NFIL3: variants seen among roughly 807,000 people sequenced by gnomAD.
NFIL3 encodes nuclear factor interleukin-3-regulated protein.
In NFIL3, 5 loss-of-function variants were observed where a neutral mutation model predicts 10.0. That is an observed-to-expected ratio of 0.50 (90% CI 0.26 to 1.06). NFIL3 has a LOEUF of 1.06. NFIL3 is among the 50% of genes least tolerant of loss of function. The probability of loss-of-function intolerance (pLI) is 0.13; values close to 1 mark genes in which losing one functional copy is unlikely to be tolerated. For missense variants in NFIL3, 436 were observed against 547.6 expected (o/e 0.80, Z 2.03); for synonymous variants, 202 against 206.5 (o/e 0.98, Z 0.19).
chr9:91,475,913 T>C, the NFIL3 span, among the ~76,000 whole-genome samples: 1 of 152,216 alleles, frequency 6.6e-6, no homozygotes, highest in African/African-American at 2.4e-5. Context: ...AGGTAGTGAA[T>C]GATAGTTAAC....
In NFIL3 at chr9:91,410,657, C is replaced by A. The variant is rs1833530241; in HGVS notation, c.78G>T (p.Met26Ile). 1.2e-6 allele frequency: 2 copies of A among 1,614,046 alleles called. No homozygotes were observed. Among genetic ancestry groups the A allele is most frequent in the Non-Finnish European group, 1.7e-6 (2 of 1,179,988 alleles). ...CTTCCGTTAAAGCAGAATTAAGGAC[C>A]ATCATCTTGTCCACATTGCTACTGG... ...LDASSNVDKM[M>I]VLNSALTEVS... Residue 26 changes from methionine (M) to isoleucine (I), a missense_variant, in exon 2 of 2, where the codon ATG (methionine) becomes ATT (isoleucine). Around this residue, in one of 3 missense-constraint regions of NFIL3, gnomAD observed 76 missense variants for 73.0 expected, o/e 1.04. Transcript: ENST00000297689. This position sits in a 1 kb window ranked among gnomAD's most constrained non-coding sequence, Gnocchi z 5.7.
chr9:91,443,960 C>T, the NFIL3 span, among the ~76,000 whole-genome samples: 1 of 152,222 alleles, frequency 6.6e-6, no homozygotes, highest in African/African-American at 2.4e-5. Context: ...TGAATCTAGA[C>T]ATTAATATCT....
chr9:91,414,873 G>A (rs1259294609), intron 1 of NFIL3, among the ~76,000 whole-genome samples: 1 of 152,166 alleles, frequency 6.6e-6, no homozygotes, highest in East Asian at 1.9e-4. Context: ...AAATATACTT[G>A]TCTTCTAGCA....
At chr9:91,465,246 G>A in the NFIL3 span, among the ~76,000 whole-genome samples, 1 of 151,806 alleles carries the variant, frequency 6.6e-6, no homozygotes, top group African/African-American at 2.4e-5. Flanking sequence ...TTTTGATATT[G>A]TCCCAAAGTT....
chr9:91,474,378 C>G, the NFIL3 span, among the ~76,000 whole-genome samples: 7 of 152,004 alleles, frequency 4.6e-5, no homozygotes, highest in African/African-American at 1.7e-4. Flanking sequence ...TTCATCTAGG[C>G]TAACGAGAGA....
At chr9:91,432,033 C>T in the NFIL3 span, among the ~76,000 whole-genome samples, 1 of 152,164 alleles carries the variant, frequency 6.6e-6, no homozygotes, top group African/African-American at 2.4e-5. Context: ...GTAAGATGGA[C>T]AGAACTTACA....
At chr9:91,421,430 C>T (rs1833765551) in intron 1 of NFIL3, among the ~76,000 whole-genome samples, 1 of 152,094 alleles carries the variant, frequency 6.6e-6, no homozygotes, top group Non-Finnish European at 1.5e-5. Flanking sequence ...ACCCCCCGCG[C>T]CAGAACAAAG....
At chr9:91,452,477 G>A in the NFIL3 span, among the ~76,000 whole-genome samples, 1 of 151,968 alleles carries the variant, frequency 6.6e-6, no homozygotes, top group East Asian at 1.9e-4. Context: ...CTCCTAAAAG[G>A]TACAAAAGCA....
chr9:91,463,945 G>A, the NFIL3 span, among the ~76,000 whole-genome samples: 2 of 152,022 alleles, frequency 1.3e-5, no homozygotes, highest in Non-Finnish European at 2.9e-5. Flanking sequence ...TGTCTGCTTT[G>A]TTGAAAAATA....
the NFIL3 span, among the ~76,000 whole-genome samples, chr9:91,465,183 TTC>T: frequency 6.6e-6 from 1 of 152,288 alleles, no homozygotes; most frequent in Non-Finnish European, 1.5e-5. Context: ...ATATTTCTTC[TTC>T]TCTGTACCTT....
intron 1 of NFIL3, among the ~76,000 whole-genome samples, chr9:91,418,833 C>A (rs1833706048): frequency 7.1e-6 from 1 of 140,108 alleles, no homozygotes; most frequent in African/African-American, 2.8e-5. Flanking sequence ...TTATTAAAGC[C>A]ATATGAGAAA....
At chr9:91,472,385 T>G in the NFIL3 span, among the ~76,000 whole-genome samples, 5 of 152,200 alleles carry the variant, frequency 3.3e-5, no homozygotes, top group African/African-American at 7.2e-5. Flanking sequence ...CCATATTTCT[T>G]GGAGGCTTTG....
At chr9:91,442,345 G>A in the NFIL3 span, among the ~76,000 whole-genome samples, 1 of 152,284 alleles carries the variant, frequency 6.6e-6, no homozygotes, top group Non-Finnish European at 1.5e-5. Context: ...ATGGCACGAT[G>A]CTTTTCTCTT....
chr9:91,467,801 C>T, the NFIL3 span, among the ~76,000 whole-genome samples: 1 of 151,992 alleles, frequency 6.6e-6, no homozygotes, highest in Non-Finnish European at 1.5e-5. Flanking sequence ...GTTTTCTGTC[C>T]TTGCGATAGT....
the NFIL3 span, among the ~76,000 whole-genome samples, chr9:91,450,497 A>G: frequency 2.0e-5 from 3 of 152,274 alleles, no homozygotes; most frequent in African/African-American, 4.8e-5. Context: ...TAATTTCCAT[A>G]TATTTGTGAA....
chr9:91,422,153 T>C (rs1294568552), intron 1 of NFIL3, among the ~76,000 whole-genome samples: 3 of 152,126 alleles, frequency 2.0e-5, no homozygotes, highest in Non-Finnish European at 4.4e-5. Flanking sequence ...AAAGTGTCCT[T>C]TAAAAACATA....
chr9:91,418,769 C>T (rs1833704973), intron 1 of NFIL3, among the ~76,000 whole-genome samples: 1 of 152,022 alleles, frequency 6.6e-6, no homozygotes, highest in African/African-American at 2.4e-5. Flanking sequence ...TAACAAATGG[C>T]ATCTAGCAAA....
At chr9:91,454,612 G>A in the NFIL3 span, among the ~76,000 whole-genome samples, 1 of 152,028 alleles carries the variant, frequency 6.6e-6, no homozygotes, top group African/African-American at 2.4e-5. Flanking sequence ...CAGGTGGATT[G>A]CCTGAGGTCA....
chr9:91,427,055 A>G (rs1478177026), upstream of NFIL3: 1 of 151,310 alleles, frequency 6.6e-6, no homozygotes, highest in Non-Finnish European at 1.5e-5. Flanking sequence ...AGCTCCAATT[A>G]CTCAAAAGAA....
Sources: allele counts gnomAD v4.1 joint callset (sites outside exome capture counted in the v4.1 genomes callset), GRCh38; gene constraint gnomAD v4.1.1; regional missense constraint gnomAD v4.1.1; non-coding constraint Gnocchi (gnomAD v3.1); transcripts MANE v1.5; gene names NCBI Gene and HGNC (gene_info 2026-07-23, HGNC 2026-07-21).